USP12: variants seen among roughly 807,000 people sequenced by gnomAD.
The protein encoded by USP12 is ubiquitin carboxyl-terminal hydrolase 12.
In USP12, 19 loss-of-function variants were observed where a neutral mutation model predicts 45.5. That is an observed-to-expected ratio of 0.42 (90% confidence interval 0.29 to 0.61). The LOEUF is 0.61. Among genes scored for constraint, USP12 ranks in the 20% least tolerant of loss-of-function variants. The pLI, the probability that USP12 is intolerant of heterozygous loss-of-function variation, is 0.22. For synonymous variants in USP12, 149 were observed against 148.8 expected, an observed-to-expected ratio of 1.00 and a Z score of -0.01; for missense variants, 242 against 447.7, an observed-to-expected ratio of 0.54 and a Z score of 4.15.
chr13:27,171,514 C>A, intron 1 of USP12, 78 bp downstream of exon 1: 1 of 597,388 alleles, frequency 1.7e-6, no homozygotes. Context: ...CGAGCGGCCA[C>A]TGGGAGAGGC....
chr13:27,098,443 T>C (rs1213278515), intron 3 of USP12, among the ~76,000 whole-genome samples: 1 of 151,326 alleles, frequency 6.6e-6, no homozygotes, highest in African/African-American at 2.4e-5. Context: ...AGAGTAGAAA[T>C]ACAAATGCCT....
chr13:27,106,043 G>C (rs1170001668), intron 2 of USP12, 99 bp from the exon 3 acceptor site: 19 of 969,792 alleles, frequency 2.0e-5, no homozygotes, highest in Non-Finnish European at 2.7e-5. Flanking sequence ...GATGACAATC[G>C]GTTACTACTG....
intron 1 of USP12, among the ~76,000 whole-genome samples, chr13:27,120,121 T>C (rs901685824): frequency 6.6e-6 from 1 of 152,244 alleles, no homozygotes; most frequent in African/African-American, 2.4e-5. Flanking sequence ...TACTGTATGA[T>C]TGTTACCATC....
At chr13:27,074,046 G>A (rs1873362140) in intron 7 of USP12, among the ~76,000 whole-genome samples, 1 of 152,168 alleles carries the variant, frequency 6.6e-6, no homozygotes, top group African/African-American at 2.4e-5. Context: ...GGCTGACCCA[G>A]GCAATGGAGG....
intron 1 of USP12, among the ~76,000 whole-genome samples, chr13:27,133,605 C>T (rs975389020): frequency 1.5e-5 from 2 of 134,412 alleles, no homozygotes; most frequent in South Asian, 2.3e-4. Context: ...CTCCAGCCTG[C>T]GACAGAGCAA....
At chr13:27,127,502 A>G (rs1350954706) in intron 1 of USP12, among the ~76,000 whole-genome samples, 1 of 152,168 alleles carries the variant, frequency 6.6e-6, no homozygotes, top group African/African-American at 2.4e-5. Context: ...TATTCCTATC[A>G]CAGGTCTTCT....
intron 7 of USP12, among the ~76,000 whole-genome samples, chr13:27,073,090 C>T (rs1873319323): frequency 6.6e-6 from 1 of 152,062 alleles, no homozygotes. Context: ...TATGTGAAGA[C>T]AATGGAGCAG....
At chr13:27,170,873 G>C (rs1352602286) in intron 1 of USP12, among the ~76,000 whole-genome samples, 5 of 152,222 alleles carry the variant, frequency 3.3e-5, no homozygotes, top group East Asian at 1.9e-4. Flanking sequence ...GGCTGGAAAC[G>C]GGAGAGCTCG....
chr13:27,151,531 C>G lies in USP12; in HGVS notation c.48+20061G>C, dbSNP rs1877568305. On this transcript the variant is annotated intron_variant, in intron 1 of 8. Transcript: ENST00000282344. Reference sequence around the variant, plus strand: ...GCAGGGTGGCTAATGCCTGTAATCCCAGTGCTTTCGGAGGACTAGGCAAGA... The same window carrying G: ...GCAGGGTGGCTAATGCCTGTAATCCGAGTGCTTTCGGAGGACTAGGCAAGA... Among the ~76,000 whole-genome samples, 3 of 151,974 alleles carry G rather than the reference C, an allele frequency of 2.0e-5. No homozygotes were observed. The South Asian group carries it at 6.2e-4, about 32-fold the overall frequency.
At chr13:27,074,409 A>G (rs1873385825) in intron 7 of USP12, among the ~76,000 whole-genome samples, 1 of 152,142 alleles carries the variant, frequency 6.6e-6, no homozygotes, top group African/African-American at 2.4e-5. Context: ...CAAAAAGAAA[A>G]AAAAAAAATT....
chr13:27,110,195 G>A (rs1875369468), intron 2 of USP12, among the ~76,000 whole-genome samples: 1 of 149,072 alleles, frequency 6.7e-6, no homozygotes, highest in Non-Finnish European at 1.5e-5. Context: ...AAGCTAGGTT[G>A]ATGGGTTCAT....
At chr13:27,109,834 G>A (rs561261026) in intron 2 of USP12, among the ~76,000 whole-genome samples, 10 of 150,790 alleles carry the variant, frequency 6.6e-5, no homozygotes, top group African/African-American at 2.4e-4. Flanking sequence ...GCTGGAACAC[G>A]GGAGGCTGAG....
chr13:27,090,745 T>C (rs1874272515), intron 4 of USP12, among the ~76,000 whole-genome samples: 1 of 152,192 alleles, frequency 6.6e-6, no homozygotes, highest in Non-Finnish European at 1.5e-5. Flanking sequence ...AGCAAGTCCA[T>C]CCTGAAGGTA....
chr13:27,069,315 C>T lies in USP12; in HGVS notation c.1081G>A (p.Gly361Ser), dbSNP rs376435156. The change falls in exon 9 of 9, where the codon GGT becomes AGT. Residue 361 changes from glycine to serine, a missense_variant. Transcript: ENST00000282344. ...CGAGACTGATAGAAAAGGATGTAAC[C>T]AGACTCAGAGTTCTTTGAGATATCT... ...TSDISKNSES[G>S]YILFYQSRD is the part of the protein sequence containing the mutation. 1.3e-5 allele frequency: 21 copies of T among 1,612,118 alleles called. No individual in the cohort carries two copies. The highest frequency in any genetic ancestry group is 1.5e-5 in the Non-Finnish European group (18 of 1,179,806).
At chr13:27,071,013 A>G in intron 8 of USP12, 58 bp downstream of exon 8, 1 of 1,411,182 alleles carries the variant, frequency 7.1e-7, no homozygotes. Flanking sequence ...ATGAGAAAAA[A>G]GTGAAAAGCA....
intron 1 of USP12, among the ~76,000 whole-genome samples, chr13:27,133,538 G>C (rs1489634372): frequency 6.6e-6 from 1 of 150,460 alleles, no homozygotes. Flanking sequence ...TGAGGTAGGA[G>C]AATGGCATGA....
At chr13:27,149,300 C>T (rs565700107) in intron 1 of USP12, among the ~76,000 whole-genome samples, 10 of 152,254 alleles carry the variant, frequency 6.6e-5, no homozygotes, top group African/African-American at 2.4e-4. Flanking sequence ...ATAGCGAAAA[C>T]ACTGGATGCT....
rs146777005 is a variant in USP12, at chr13:27,078,508, T to C, written c.735-3120A>G. Among the ~76,000 whole-genome samples, 820 of 151,742 alleles carry C rather than the reference T, an allele frequency of 5.4e-3. 4 individuals carry two copies. The highest frequency in any genetic ancestry group is 0.019 in the African/African-American group (773 of 41,372). On this transcript the variant is annotated intron_variant, in intron 6 of 8. Transcript: ENST00000282344. The stretch of plus-strand genomic sequence containing the variant: ...TGTTGTATTCTAACATAACAGGGGG[T>C]TGCCTTTCTTGATAATGTCTAGTTA...
At chr13:27,072,428 G>A (rs1873288330) in intron 7 of USP12, among the ~76,000 whole-genome samples, 1 of 152,180 alleles carries the variant, frequency 6.6e-6, no homozygotes, top group Non-Finnish European at 1.5e-5. Context: ...AAAATGAAAT[G>A]AGAGATGAAG....
Sources: allele counts gnomAD v4.1 joint callset (sites outside exome capture counted in the v4.1 genomes callset), GRCh38; gene constraint gnomAD v4.1.1; transcripts MANE v1.5; gene names NCBI Gene and HGNC (gene_info 2026-07-23, HGNC 2026-07-21).